The following PPARGC1B variants were observed in gnomAD, a reference collection of about 807,000 sequenced individuals.
PPARGC1B encodes PPARG coactivator 1 beta, also known as peroxisome proliferator-activated receptor gamma coactivator 1-beta.
PPARGC1B carries 34 observed loss-of-function variants against 101.6 expected under a neutral mutation model. The ratio of observed to expected loss-of-function variants is 0.33; its 90% CI spans 0.25 to 0.45. PPARGC1B has a LOEUF of 0.45. PPARGC1B is among the 20% of genes least tolerant of loss of function. The pLI is 1.00. For missense variants in PPARGC1B, 1,234 were observed against 1,317.6 expected (o/e 0.94, Z 0.98); for synonymous variants, 548 against 539.3 (o/e 1.02, Z -0.22).
chr5:149,775,718 C>CT (rs397736735), intron 1 of PPARGC1B, among the ~76,000 whole-genome samples: 6 of 23,236 alleles, frequency 2.6e-4, no homozygotes, highest in Non-Finnish European at 6.5e-4. Flanking sequence ...GATGCCCACA[C>CT]TCTTCCCTGT....
intron 1 of PPARGC1B, among the ~76,000 whole-genome samples, chr5:149,766,016 A>T (rs545754570): frequency 8.2e-4 from 125 of 152,228 alleles, no homozygotes; most frequent in Non-Finnish European, 1.4e-3. Flanking sequence ...AAGGAGTTTT[A>T]AAAAAAATGA....
At chr5:149,742,434 C>A (rs1754945613) in intron 1 of PPARGC1B, among the ~76,000 whole-genome samples, 1 of 152,178 alleles carries the variant, frequency 6.6e-6, no homozygotes, top group African/African-American at 2.4e-5. Flanking sequence ...CAATACTCTG[C>A]CACTCTGGTG....
Position 149,742,418 on chromosome 5 carries a change from T to C in PPARGC1B, c.78+11998T>C, listed in dbSNP as rs146572088. Among the ~76,000 whole-genome samples the C allele has an allele frequency of 1.8e-3, 273 of 152,296 alleles. 1 individual carries two copies. The highest frequency in any genetic ancestry group is 6.3e-3 in the African/African-American group (260 of 41,566). ...CTACAGACACTTTCTGTTCCCTGCC[T>C]TCCCTCAATACTCTGCCACTCTGGT... On this transcript the variant is annotated intron_variant, in intron 1 of 11. Coordinates refer to ENST00000309241, the MANE Select transcript of PPARGC1B (RefSeq NM_133263.4).
At position 149,833,335 on chromosome 5, in the gene PPARGC1B, G is replaced by A. The variant is rs772399296; in HGVS notation, c.1262G>A (p.Arg421His). The A allele has an allele frequency of 4.4e-5, 71 of 1,613,294 alleles. No homozygotes were observed. The highest frequency in any genetic ancestry group is 6.0e-5 in the Non-Finnish European group (71 of 1,180,030). ...CGGCTGGAGGTGAAAAGGGAGGTCC[G>A]CCGGCCTGCCAGACTGCAGCAGCAG... ...PLRLEVKREV[R>H]RPARLQQQEE... Residue 421 changes from arginine to histidine, a missense_variant, in exon 5 of 12, where the codon CGC (arginine) becomes CAC (histidine). Arg to His is a conservative substitution (Grantham distance 29). Transcript: ENST00000309241. The surrounding 1 kb of genome is among the most constrained non-coding windows in gnomAD (Gnocchi z 4.1).
At chr5:149,825,351 C>T (rs180979302) in intron 2 of PPARGC1B, among the ~76,000 whole-genome samples, 18 of 152,352 alleles carry the variant, frequency 1.2e-4, no homozygotes, top group Non-Finnish European at 2.4e-4. Context: ...CAGAATCGTG[C>T]GCCCCTGGGC....
At chr5:149,828,862 A>G (rs539354687) in intron 3 of PPARGC1B, among the ~76,000 whole-genome samples, 201 of 151,678 alleles carry the variant, frequency 1.3e-3, no homozygotes, top group Non-Finnish European at 2.1e-3. Context: ...CCTGGGCAAC[A>G]TAGGAAGATC....
intron 1 of PPARGC1B, among the ~76,000 whole-genome samples, chr5:149,796,954 C>A (rs12522287): frequency 1.8e-4 from 28 of 152,204 alleles, no homozygotes; most frequent in African/African-American, 5.8e-4. Flanking sequence ...TGGAAGGACA[C>A]GGTTTGTTTT....
Position 149,833,224 on chromosome 5 carries a change from C to T in PPARGC1B, c.1151C>T (p.Ser384Phe), listed in dbSNP as rs1758879893. The T allele has an allele frequency of 1.9e-6, 3 of 1,613,334 alleles. No homozygotes were observed. Among genetic ancestry groups the T allele is most frequent in the Non-Finnish European group, 2.5e-6 (3 of 1,180,000 alleles). Residue 384 changes from serine (S) to phenylalanine (F), a missense_variant, in exon 5 of 12, where the codon TCC becomes TTC. Ser to Phe is a radical substitution (Grantham distance 155). Around this residue, in one of 3 missense-constraint regions of PPARGC1B, gnomAD observed 734 missense variants for 768.4 expected, o/e 0.96. Transcript: ENST00000309241. The surrounding 1 kb of genome is among the most constrained non-coding windows in gnomAD (Gnocchi z 4.1). ...RPRPPKDSQASPGRPSSVEEV... is the reference protein window; with the variant it reads ...RPRPPKDSQAFPGRPSSVEEV... The stretch of plus-strand genomic sequence containing the variant: ...AGGCCCCCCAAAGACAGTCAGGCCT[C>T]CCCTGGTCGCCCGTCCTCGGTGGAG...
chr5:149,775,925 C>CCATT (rs1756341311), intron 1 of PPARGC1B, among the ~76,000 whole-genome samples: 1 of 152,182 alleles, frequency 6.6e-6, no homozygotes, highest in Non-Finnish European at 1.5e-5. Flanking sequence ...ATAAGTCCTT[C>CCATT]CATTTTCCTC....
At chr5:149,739,433 G>T (rs962203900) in intron 1 of PPARGC1B, among the ~76,000 whole-genome samples, 1 of 152,174 alleles carries the variant, frequency 6.6e-6, no homozygotes, top group Non-Finnish European at 1.5e-5. Context: ...GGCTTACCTG[G>T]GATTTGAACC....
At chr5:149,815,236 G>T (rs781154623) in intron 1 of PPARGC1B, among the ~76,000 whole-genome samples, 2 of 152,174 alleles carry the variant, frequency 1.3e-5, no homozygotes, top group Non-Finnish European at 2.9e-5. Context: ...CTCAGAATGT[G>T]ACCTCCTTGG....
chr5:149,770,828 T>TA (rs35142598), intron 1 of PPARGC1B, among the ~76,000 whole-genome samples: 138 of 141,558 alleles, frequency 9.7e-4, no homozygotes, highest in African/African-American at 1.9e-3. Flanking sequence ...CCCTGTCTCT[T>TA]AAAAAAAAAA....
Position 149,833,784 on chromosome 5 carries a change from C to G in PPARGC1B, c.1705+6C>G, listed in dbSNP as rs973567740. On this transcript the variant is annotated splice_donor_region_variant and intron_variant, in intron 5 of 11. Transcript: ENST00000309241. The surrounding 1 kb of genome is among the most constrained non-coding windows in gnomAD (Gnocchi z 4.1). ...CCCGCAGCTCCCTCCCAGAGGTAGT[C>G]AGAGTTGGTGGTCTGCGAAGTGGGG... 8.0e-6 allele frequency: 12 copies of G among 1,503,078 alleles called. No individual in the cohort carries two copies. Among genetic ancestry groups the G allele is most frequent in the Non-Finnish European group, 8.8e-6 (10 of 1,130,536 alleles). The allele number at this position is 1,503,078 out of a possible 1,614,324, so 93.1% of individuals were successfully genotyped here. A position where few individuals can be genotyped will look rare whatever the true frequency, so the allele number is the denominator to read the frequency against.
chr5:149,755,221 A>AT (rs1240398866), intron 1 of PPARGC1B, among the ~76,000 whole-genome samples: 1 of 151,090 alleles, frequency 6.6e-6, no homozygotes, highest in African/African-American at 2.4e-5. Flanking sequence ...GAACATCCTG[A>AT]TTTTTTTAAA....
chr5:149,757,139 G>A (rs564034130), intron 1 of PPARGC1B, among the ~76,000 whole-genome samples: 1 of 152,270 alleles, frequency 6.6e-6, no homozygotes, highest in South Asian at 2.1e-4. Flanking sequence ...AGAAAGTGCG[G>A]TCCAGACGCC....
Position 149,730,510 on chromosome 5 carries a change from G to A in PPARGC1B, c.78+90G>A. On this transcript the variant is annotated intron_variant, in intron 1 of 11. Transcript: ENST00000309241. The surrounding 1 kb of genome is among the most constrained non-coding windows in gnomAD (Gnocchi z 4.0). ...GCCGCGGAGGCCGGGAGGCAGCGGT[G>A]GGAGCCCTGGGGTAACTGGGGGTTC... is the stretch of plus-strand genomic sequence containing the variant. 5.8e-6 allele frequency: 6 copies of A among 1,041,212 alleles called. 1 individual carries two copies. The South Asian group carries it at 8.8e-5, about 15-fold the overall frequency. 64.5% of individuals were successfully genotyped at this position (1,041,212 alleles called of 1,614,324 possible). A position where few individuals can be genotyped will look rare whatever the true frequency, so the allele number is the denominator to read the frequency against.
chr5:149,759,038 C>T (rs1755629137), intron 1 of PPARGC1B, among the ~76,000 whole-genome samples: 2 of 152,186 alleles, frequency 1.3e-5, no homozygotes, highest in South Asian at 4.2e-4. Context: ...TAAAAACCAC[C>T]CATAATTATT....
At chr5:149,731,863 C>T (rs1355132793) in intron 1 of PPARGC1B, among the ~76,000 whole-genome samples, 1 of 152,112 alleles carries the variant, frequency 6.6e-6, no homozygotes, top group Admixed American at 6.5e-5. Context: ...GGAAGCCCGC[C>T]ACGCGGGAGG....
chr5:149,830,055 G>GAAAAAAAAAAAAAAAAAAAAAA (rs71587791), intron 3 of PPARGC1B, among the ~76,000 whole-genome samples: 1 of 89,814 alleles, frequency 1.1e-5, no homozygotes, highest in African/African-American at 4.4e-5. Context: ...AAAAAAAAAA[G>GAAAAAAAAAAAAAAAAAAAAAA]AAAAAAAAAA....
Sources: allele counts gnomAD v4.1 joint callset (sites outside exome capture counted in the v4.1 genomes callset), GRCh38; gene constraint gnomAD v4.1.1; regional missense constraint gnomAD v4.1.1; non-coding constraint Gnocchi (gnomAD v3.1); transcripts MANE v1.5; gene names NCBI Gene and HGNC (gene_info 2026-07-23, HGNC 2026-07-21).